Variants in HPSE2 observed in about 807,000 individuals in gnomAD.
HPSE2 encodes inactive heparanase-2.
In HPSE2, 38 loss-of-function variants were observed where a neutral mutation model predicts 60.5. That is an observed-to-expected ratio of 0.63 (90% CI 0.48 to 0.82). HPSE2 has a LOEUF of 0.82. HPSE2 is among the 40% of genes least tolerant of loss of function. The probability of loss-of-function intolerance (pLI) is 0.00; values close to 1 mark genes in which losing one functional copy is unlikely to be tolerated. For synonymous variants in HPSE2, 295 were observed against 293.2 expected, an observed-to-expected ratio of 1.01 and a Z score of -0.06; for missense variants, 713 against 740.4, an observed-to-expected ratio of 0.96 and a Z score of 0.43.
intron 2 of HPSE2, among the ~76,000 whole-genome samples, chr10:99,207,493 T>C (rs1204207311): frequency 2.6e-4 from 39 of 152,140 alleles, no homozygotes; most frequent in Admixed American, 2.6e-3. Flanking sequence ...TTCAGAAAAA[T>C]ACTGTAATGA....
intron 2 of HPSE2, among the ~76,000 whole-genome samples, chr10:99,202,289 G>C (rs1439490081): frequency 6.6e-6 from 1 of 152,276 alleles, no homozygotes; most frequent in Non-Finnish European, 1.5e-5. Context: ...TAAGAGGATC[G>C]TTAGCCCCTA....
chr10:98,477,771 T>A (rs897409607), intron 11 of HPSE2, among the ~76,000 whole-genome samples: 2 of 152,152 alleles, frequency 1.3e-5, no homozygotes, highest in African/African-American at 4.8e-5. Flanking sequence ...CCCTGGGCCA[T>A]GGACCAATCC....
chr10:98,694,593 C>T (rs537788668), intron 5 of HPSE2, among the ~76,000 whole-genome samples: 27 of 152,296 alleles, frequency 1.8e-4, no homozygotes, highest in Non-Finnish European at 3.2e-4. Context: ...TGGTTCCGTG[C>T]AGTTAAGCAC....
At chr10:99,154,097 C>T (rs933823982) in intron 2 of HPSE2, among the ~76,000 whole-genome samples, 1 of 148,396 alleles carries the variant, frequency 6.7e-6, no homozygotes, top group Non-Finnish European at 1.5e-5. Flanking sequence ...AAATATGAGA[C>T]TATGTGAAAA....
At chr10:98,669,834 T>C in intron 6 of HPSE2, among the ~76,000 whole-genome samples, 1 of 152,104 alleles carries the variant, frequency 6.6e-6, no homozygotes, top group South Asian at 2.1e-4. Flanking sequence ...CACCATCACA[T>C]AATACACCCA....
At chr10:99,200,759 A>G (rs1490864538) in intron 2 of HPSE2, among the ~76,000 whole-genome samples, 1 of 152,202 alleles carries the variant, frequency 6.6e-6, no homozygotes, top group Non-Finnish European at 1.5e-5. Flanking sequence ...TAATTGTAAG[A>G]AAACAGGTTA....
At chr10:98,498,095 G>A (rs1941910281) in intron 9 of HPSE2, among the ~76,000 whole-genome samples, 1 of 152,112 alleles carries the variant, frequency 6.6e-6, no homozygotes, top group Non-Finnish European at 1.5e-5. Flanking sequence ...CATGGTGGAC[G>A]GGAGGCAGGA....
chr10:99,084,488 G>A (rs748013600), intron 3 of HPSE2, among the ~76,000 whole-genome samples: 5 of 152,252 alleles, frequency 3.3e-5, no homozygotes, highest in Non-Finnish European at 7.4e-5. Flanking sequence ...AATGTTCTCA[G>A]GGTATGGGTT....
At position 99,108,663 on chromosome 10, in the gene HPSE2, T is replaced by C. The variant is rs1177048107; in HGVS notation, c.610+35575A>G. 2.0e-5 allele frequency among the ~76,000 whole-genome samples: 3 copies of C among 152,180 alleles called. No individual in the cohort carries two copies. In the East Asian group the frequency reaches 5.8e-4, roughly 29 times the overall value. ...ATCAAAAATAAAAGTGAAAGACTTA[T>C]AGAAAATTTAGAAGTCCCTCCTAGG... On this transcript the variant is annotated intron_variant, in intron 3 of 11. Coordinates refer to ENST00000370552, the MANE Select transcript of HPSE2 (RefSeq NM_021828.5).
At chr10:98,656,993 C>T (rs996679943) in intron 6 of HPSE2, among the ~76,000 whole-genome samples, 2 of 152,092 alleles carry the variant, frequency 1.3e-5, no homozygotes, top group Non-Finnish European at 2.9e-5. Context: ...GAACTCCTGA[C>T]CTCAGCTGAT....
At chr10:98,561,620 G>A (rs1397872230) in intron 9 of HPSE2, among the ~76,000 whole-genome samples, 2 of 152,186 alleles carry the variant, frequency 1.3e-5, no homozygotes, top group African/African-American at 4.8e-5. Flanking sequence ...GGCCAAGGCA[G>A]GCAGATCACC....
rs766035289 is a variant in HPSE2, at chr10:98,641,859, C to T, written c.1086G>A (p.Arg362=). Residue 362 remains arginine (R), a synonymous_variant, in exon 7 of 12, where the codon AGG becomes AGA. Transcript: ENST00000370552. ...TACTTTTACTCACTTTCTGAATTTT[C>T]CTAATCTGGTCAGAGAGTGTGTCTA... ...RLLDTLSDQI[R]KIQKVVNTYT... The T allele has an allele frequency of 6.2e-7, 1 of 1,612,876 alleles. No individual in the cohort carries two copies. The highest frequency in any genetic ancestry group is 8.5e-7 in the Non-Finnish European group (1 of 1,179,048).
At chr10:98,539,457 G>A (rs1347321211) in intron 9 of HPSE2, among the ~76,000 whole-genome samples, 1 of 152,140 alleles carries the variant, frequency 6.6e-6, no homozygotes, top group African/African-American at 2.4e-5. Flanking sequence ...GGAGGCGGAG[G>A]TTGCAGTGAG....
At chr10:98,979,708 C>G (rs1956164452) in intron 3 of HPSE2, among the ~76,000 whole-genome samples, 1 of 152,144 alleles carries the variant, frequency 6.6e-6, no homozygotes, top group Non-Finnish European at 1.5e-5. Flanking sequence ...GTGTTTGCTG[C>G]AACTTTATAG....
At chr10:98,714,922 C>T (rs954437144) in intron 5 of HPSE2, among the ~76,000 whole-genome samples, 2 of 151,752 alleles carry the variant, frequency 1.3e-5, no homozygotes, top group Non-Finnish European at 2.9e-5. Context: ...ATTAGCATTT[C>T]CCTAACAACT....
At chr10:98,703,029 A>G (rs1948452215) in intron 5 of HPSE2, among the ~76,000 whole-genome samples, 1 of 152,170 alleles carries the variant, frequency 6.6e-6, no homozygotes, top group Admixed American at 6.5e-5. Flanking sequence ...CAAAATAGAT[A>G]GACTGCTAAC....
At chr10:98,767,983 A>G (rs2801409) in intron 3 of HPSE2, among the ~76,000 whole-genome samples, 8,164 of 150,480 alleles carry the variant, frequency 0.054, 709 homozygotes, top group African/African-American at 0.18. Flanking sequence ...CATTAAAAAT[A>G]ACTATCTGTT....
intron 3 of HPSE2, among the ~76,000 whole-genome samples, chr10:98,998,870 CTAA>C (rs1239219789): frequency 1.3e-5 from 2 of 152,208 alleles, no homozygotes; most frequent in Non-Finnish European, 2.9e-5. Context: ...CCAAAGCATA[CTAA>C]TGAGACTCCA....
At chr10:98,484,528 T>C (rs1295884238) in intron 10 of HPSE2, among the ~76,000 whole-genome samples, 3 of 152,234 alleles carry the variant, frequency 2.0e-5, no homozygotes, top group East Asian at 1.9e-4. Context: ...TTAGACACCA[T>C]GCCCGGACAC....
Sources: allele counts gnomAD v4.1 joint callset (sites outside exome capture counted in the v4.1 genomes callset), GRCh38; gene constraint gnomAD v4.1.1; transcripts MANE v1.5; gene names NCBI Gene and HGNC (gene_info 2026-07-23, HGNC 2026-07-21).